BRAF: variants seen among roughly 807,000 people sequenced by gnomAD.
BRAF encodes serine/threonine-protein kinase B-raf.
In BRAF, 16 loss-of-function variants were observed where a neutral mutation model predicts 104.6. The observed-to-expected ratio is 0.15, with a 90% CI of 0.10 to 0.23. The LOEUF is 0.23. Ranked by LOEUF, BRAF falls within the 10% of genes least tolerant of loss-of-function variation. The pLI is 1.00. For missense variants in BRAF, 541 were observed against 937.3 expected (o/e 0.58, Z 5.52); for synonymous variants, 310 against 341.6 (o/e 0.91, Z 1.02).
chr7:140,881,521 G>T (rs1812919693), intron 1 of BRAF, among the ~76,000 whole-genome samples: 1 of 152,170 alleles, frequency 6.6e-6, no homozygotes, highest in African/African-American at 2.4e-5. Flanking sequence ...TCTTAAAAGT[G>T]CTGGGATTAC....
chr7:140,776,622 T>C (rs983598431), intron 14 of BRAF, among the ~76,000 whole-genome samples: 1 of 152,248 alleles, frequency 6.6e-6, no homozygotes, highest in African/African-American at 2.4e-5. Flanking sequence ...TAGCAGGTTT[T>C]TGCTGTTTCT....
Position 140,719,342 on chromosome 7 carries a change from GCAGT to G in BRAF, c.*7148_*7151del, listed in dbSNP as rs1031542108. On this transcript the variant is annotated 3_prime_UTR_variant, in exon 20 of 20. Coordinates refer to ENST00000644969, the MANE Select transcript of BRAF (RefSeq NM_001374258.1). ...ATAGTCTTGATGAAGACTTCTCCAT[GCAGT>G]CAATCTTTATTATAGCAGTATTCGC... The G allele has an allele frequency of 1.4e-5, 14 of 988,936 alleles. No homozygotes were observed. The highest frequency in any genetic ancestry group is 1.2e-4 in the Admixed American group (2 of 16,986). The allele number at this position is 988,936 out of a possible 1,614,324, so 61.3% of individuals were successfully genotyped here.
chr7:140,760,559 G>A (rs1012808529), intron 14 of BRAF, among the ~76,000 whole-genome samples: 1 of 152,100 alleles, frequency 6.6e-6, no homozygotes, highest in Non-Finnish European at 1.5e-5. Flanking sequence ...ACTGTCGAAG[G>A]AAGAAGAGGA....
intron 1 of BRAF, among the ~76,000 whole-genome samples, chr7:140,921,376 A>G (rs1269393419): frequency 6.6e-6 from 1 of 152,180 alleles, no homozygotes; most frequent in African/African-American, 2.4e-5. Flanking sequence ...AGAATATTCT[A>G]TTTTGAGCAC....
chr7:140,764,981 G>A (rs912532180), intron 14 of BRAF, among the ~76,000 whole-genome samples: 1 of 152,120 alleles, frequency 6.6e-6, no homozygotes. Flanking sequence ...AAAAGAGCCC[G>A]CATCACCAAG....
chr7:140,919,517 A>G (rs10232600), intron 1 of BRAF, among the ~76,000 whole-genome samples: 28 of 151,710 alleles, frequency 1.8e-4, no homozygotes, highest in African/African-American at 6.8e-4. Context: ...CTCAGAGGGT[A>G]GGGGGGAAAA....
At chr7:140,856,722 C>A (rs1809826523) in intron 1 of BRAF, among the ~76,000 whole-genome samples, 1 of 152,036 alleles carries the variant, frequency 6.6e-6, no homozygotes, top group African/African-American at 2.4e-5. Context: ...ATGAGTTAAT[C>A]TGGGAGGTAA....
At chr7:140,777,929 G>C (rs2129019346) in intron 13 of BRAF, 62 bp downstream of exon 12, 3 of 1,478,676 alleles carry the variant, frequency 2.0e-6, no homozygotes, top group Non-Finnish European at 2.8e-6. Flanking sequence ...GCTACCACTG[G>C]GAACCAGGAG....
Position 140,840,978 on chromosome 7 carries a change from G to T in BRAF, c.241-6106C>A, listed in dbSNP as rs140089024. Among the ~76,000 whole-genome samples, 1,003 of 152,070 alleles carry T rather than the reference G, an allele frequency of 6.6e-3. 6 individuals are homozygous for T. The highest frequency in any genetic ancestry group is 0.014 in the Middle Eastern group (4 of 294). On this transcript the variant is annotated intron_variant, in intron 2 of 19. Coordinates refer to ENST00000644969, the MANE Select transcript of BRAF (RefSeq NM_001374258.1). ...GATCCATCCACCTCAGCCTCCCAAA[G>T]TGCTGGGATTACAGGTGTGAGCCAC... is the stretch of plus-strand genomic sequence containing the variant.
intron 18 of BRAF, among the ~76,000 whole-genome samples, chr7:140,737,067 T>C (rs1381873607): frequency 6.6e-6 from 1 of 151,930 alleles, no homozygotes; most frequent in Non-Finnish European, 1.5e-5. Context: ...AAAAATGAGG[T>C]ATCATACTAC....
downstream of BRAF, among the ~76,000 whole-genome samples, chr7:140,716,829 C>G (rs558841616): frequency 6.6e-6 from 1 of 152,312 alleles, no homozygotes; most frequent in African/African-American, 2.4e-5. Context: ...TAGGAAGATA[C>G]AGAAGTCATC....
Position 140,924,784 on chromosome 7 carries a change from G to A in BRAF, c.-81C>T, listed in dbSNP as rs1818706152. 1 of 490,770 alleles carries A rather than the reference G, an allele frequency of 2.0e-6. No individual in the cohort carries two copies. Among genetic ancestry groups the A allele is most frequent in the South Asian group, 3.0e-5 (1 of 33,098 alleles). 30.4% of individuals were successfully genotyped at this position (490,770 alleles called of 1,614,324 possible). ...GAGGCGGAGAGCTGGGGGAGGCGGAGGCGGAGGCGGAGGCGGAGGAGCGGG... is the reference window on the plus strand; with the variant it reads ...GAGGCGGAGAGCTGGGGGAGGCGGAAGCGGAGGCGGAGGCGGAGGAGCGGG... On this transcript the variant is annotated 5_prime_UTR_variant, in exon 1 of 20. Transcript: ENST00000644969. This position sits in a 1 kb window ranked among gnomAD's most constrained non-coding sequence, Gnocchi z 4.2.
downstream of BRAF, among the ~76,000 whole-genome samples, chr7:140,714,432 A>C (rs757194364): frequency 6.6e-6 from 1 of 152,082 alleles, no homozygotes; most frequent in Non-Finnish European, 1.5e-5. Flanking sequence ...GAGTGATGCG[A>C]TCCTAGCTCA....
chr7:140,900,148 G>C (rs1192628596), intron 1 of BRAF, among the ~76,000 whole-genome samples: 1 of 152,180 alleles, frequency 6.6e-6, no homozygotes, highest in South Asian at 2.1e-4. Flanking sequence ...CTAAGTCTTC[G>C]GTAATTACAC....
intron 19 of BRAF, among the ~76,000 whole-genome samples, 164 bp downstream of exon 18, chr7:140,730,501 G>C (rs1223840311): frequency 6.6e-6 from 1 of 151,928 alleles, no homozygotes; most frequent in Admixed American, 6.6e-5. Context: ...CCAAGTAGCT[G>C]GACTACAGGT....
chr7:140,874,555 A>G (rs1426860971), intron 1 of BRAF, among the ~76,000 whole-genome samples: 1 of 150,078 alleles, frequency 6.7e-6, no homozygotes, highest in Non-Finnish European at 1.5e-5. Context: ...AAAAAAAGGC[A>G]AAGAAATAAC....
At position 140,788,574 on chromosome 7, in the gene BRAF, A is replaced by G. The variant is rs1801627852; in HGVS notation, c.1141-990T>C. Among the ~76,000 whole-genome samples the G allele has an allele frequency of 3.3e-5, 5 of 152,240 alleles. No homozygotes were observed. In the South Asian group the frequency reaches 1.0e-3, roughly 32 times the overall value. The stretch of plus-strand genomic sequence containing the variant: ...GAAGAGGAAAGAAACAAAGTGGCTC[A>G]TAGAAAGGTTTTGTTAAAATTTGTC... On this transcript the variant is annotated intron_variant, in intron 8 of 19. Transcript: ENST00000644969.
At chr7:140,759,325 T>C (rs185049333) in intron 14 of BRAF, among the ~76,000 whole-genome samples, 12 of 152,354 alleles carry the variant, frequency 7.9e-5, no homozygotes, top group African/African-American at 2.4e-4. Flanking sequence ...TTACCAGCAA[T>C]GTATGAGAGT....
chr7:140,870,758 A>G (rs888866056), intron 1 of BRAF, among the ~76,000 whole-genome samples: 1 of 152,032 alleles, frequency 6.6e-6, no homozygotes, highest in Admixed American at 6.6e-5. Flanking sequence ...GTGAACCTAC[A>G]TGACTATCAC....
Sources: allele counts gnomAD v4.1 joint callset (sites outside exome capture counted in the v4.1 genomes callset), GRCh38; gene constraint gnomAD v4.1.1; non-coding constraint Gnocchi (gnomAD v3.1); transcripts MANE v1.5; gene names NCBI Gene and HGNC (gene_info 2026-07-23, HGNC 2026-07-21).